The following MAGI2 variants were observed in gnomAD, a reference collection of about 807,000 sequenced individuals.
MAGI2 encodes membrane-associated guanylate kinase, WW and PDZ domain-containing protein 2.
A neutral mutation model predicts 133.3 loss-of-function variants in MAGI2; 35 were observed. The ratio of observed to expected loss-of-function variants is 0.26; its 90% CI spans 0.20 to 0.35. The LOEUF (loss-of-function observed/expected upper bound fraction) is 0.35, where lower values mean the gene tolerates loss of function less well. MAGI2 is among the 10% of genes least tolerant of loss of function. MAGI2 has a pLI of 1.00. For missense variants in MAGI2, 1,636 were observed against 1,863.4 expected, an observed-to-expected ratio of 0.88 and a Z score of 2.25; for synonymous variants, 729 against 710.6, an observed-to-expected ratio of 1.03 and a Z score of -0.41.
chr7:79,160,849 G>C (rs1824282160), intron 1 of MAGI2, among the ~76,000 whole-genome samples: 1 of 151,974 alleles, frequency 6.6e-6, no homozygotes, highest in South Asian at 2.1e-4. Context: ...TATTACCCAG[G>C]TCACAGTAAG....
At position 78,114,873 on chromosome 7, in the gene MAGI2, C is replaced by T. The variant is rs552189484; in HGVS notation, c.3567+10821G>A. 5.4e-4 allele frequency among the ~76,000 whole-genome samples: 82 copies of T among 152,236 alleles called. 2 individuals carry two copies. The South Asian group carries it at 0.015, about 27-fold the overall frequency. On this transcript the variant is annotated intron_variant, in intron 20 of 21. Transcript: ENST00000354212. ...GACGTATGCTACAGAATGAATGCGG[C>T]GGGCACACGGGAGGCACCCTCTGGG...
At chr7:79,369,722 C>A (rs1842940513) in intron 1 of MAGI2, among the ~76,000 whole-genome samples, 1 of 152,124 alleles carries the variant, frequency 6.6e-6, no homozygotes, top group African/African-American at 2.4e-5. Flanking sequence ...AATGTACATG[C>A]ACATCGATAC....
chr7:78,949,770 G>A (rs1801716294), intron 2 of MAGI2, among the ~76,000 whole-genome samples: 1 of 152,112 alleles, frequency 6.6e-6, no homozygotes, highest in African/African-American at 2.4e-5. Context: ...TTTCTACCTG[G>A]TGACAGCCAT....
intron 2 of MAGI2, among the ~76,000 whole-genome samples, chr7:78,786,254 A>G (rs1184640194): frequency 1.3e-5 from 2 of 151,962 alleles, no homozygotes; most frequent in East Asian, 3.9e-4. Context: ...ACCCCTTTTC[A>G]CTACTCCCAC....
chr7:78,606,684 T>C (rs2150896998), intron 3 of MAGI2, among the ~76,000 whole-genome samples: 2 of 152,362 alleles, frequency 1.3e-5, no homozygotes, highest in Middle Eastern at 6.8e-3. Flanking sequence ...TATGATGGCC[T>C]ACTTTTGACA....
chr7:79,052,994 T>C (rs570351272), intron 1 of MAGI2, among the ~76,000 whole-genome samples: 5 of 152,116 alleles, frequency 3.3e-5, no homozygotes, highest in Non-Finnish European at 1.5e-5. Context: ...CAACATGAAC[T>C]ACTCTATCTC....
intron 2 of MAGI2, among the ~76,000 whole-genome samples, chr7:78,828,603 GTAAAAAC>G (rs1790870511): frequency 1.3e-5 from 2 of 152,046 alleles, no homozygotes; most frequent in African/African-American, 2.4e-5. Flanking sequence ...AGAACATTAA[GTAAAAAC>G]TAAGGAAATA....
chr7:78,187,715 A>G (rs1256952466), intron 12 of MAGI2, among the ~76,000 whole-genome samples: 1 of 152,188 alleles, frequency 6.6e-6, no homozygotes, highest in Non-Finnish European at 1.5e-5. Flanking sequence ...GTGGCTGCTT[A>G]GGATTATGAC....
At chr7:78,654,916 T>C (rs930550665) in intron 2 of MAGI2, among the ~76,000 whole-genome samples, 1 of 151,648 alleles carries the variant, frequency 6.6e-6, no homozygotes, top group Non-Finnish European at 1.5e-5. Flanking sequence ...AAAATGTTAT[T>C]TAAAACAACA....
intron 1 of MAGI2, among the ~76,000 whole-genome samples, chr7:79,220,112 T>G (rs1314085334): frequency 1.3e-5 from 2 of 151,984 alleles, no homozygotes; most frequent in Non-Finnish European, 2.9e-5. Flanking sequence ...TCAGTGGCAC[T>G]CCCCTGAAGC....
At chr7:78,510,872 G>C (rs1436075042) in intron 4 of MAGI2, among the ~76,000 whole-genome samples, 1 of 152,078 alleles carries the variant, frequency 6.6e-6, no homozygotes, top group Non-Finnish European at 1.5e-5. Flanking sequence ...ATTTTATACT[G>C]GTCCAAAGCT....
chr7:79,385,160 T>TA (rs1183813513), intron 1 of MAGI2, among the ~76,000 whole-genome samples: 6 of 151,750 alleles, frequency 4.0e-5, no homozygotes, highest in Admixed American at 3.9e-4. Context: ...AGCATGTACA[T>TA]AAAGTGTAAT....
intron 2 of MAGI2, among the ~76,000 whole-genome samples, chr7:78,932,684 T>C (rs1800226949): frequency 6.6e-6 from 1 of 152,048 alleles, no homozygotes; most frequent in South Asian, 2.1e-4. Flanking sequence ...TTTAATAGGA[T>C]GGCTGCAGAA....
chr7:78,589,664 G>A (rs1803790252), intron 3 of MAGI2, among the ~76,000 whole-genome samples: 1 of 152,176 alleles, frequency 6.6e-6, no homozygotes, highest in African/African-American at 2.4e-5. Context: ...AGGCCGAGAA[G>A]CAATACCAGG....
intron 2 of MAGI2, among the ~76,000 whole-genome samples, chr7:78,823,794 G>T (rs1344515984): frequency 6.6e-6 from 1 of 152,032 alleles, no homozygotes; most frequent in African/African-American, 2.4e-5. Context: ...ATTTTCTAGT[G>T]GCAAATAAGC....
intron 21 of MAGI2, among the ~76,000 whole-genome samples, chr7:78,048,294 T>C (rs1003681004): frequency 1.3e-5 from 2 of 152,180 alleles, no homozygotes; most frequent in Non-Finnish European, 1.5e-5. Flanking sequence ...GATAGTGTCT[T>C]AGGAAGAACG....
intron 6 of MAGI2, among the ~76,000 whole-genome samples, chr7:78,483,139 TA>T (rs1792598668): frequency 6.6e-6 from 1 of 151,840 alleles, no homozygotes; most frequent in Non-Finnish European, 1.5e-5. Context: ...GAGGGGTGTC[TA>T]AAACCTTCCT....
chr7:79,445,842 T>A (rs1001057273), intron 1 of MAGI2, among the ~76,000 whole-genome samples: 1 of 152,200 alleles, frequency 6.6e-6, no homozygotes, highest in Non-Finnish European at 1.5e-5. Flanking sequence ...TTATAAGTCA[T>A]GCTTCTATAA....
intron 21 of MAGI2, among the ~76,000 whole-genome samples, chr7:78,049,747 C>T (rs1811825160): frequency 6.6e-6 from 1 of 152,186 alleles, no homozygotes; most frequent in Non-Finnish European, 1.5e-5. Context: ...ATCCTTGTAA[C>T]AGACGACATC....
Sources: gnomAD v4.1 joint callset for allele counts (sites outside exome capture counted in the v4.1 genomes callset) on GRCh38, gnomAD v4.1.1 for gene constraint, MANE v1.5 for transcripts, NCBI Gene and HGNC (gene_info 2026-07-23, HGNC 2026-07-21) for gene names.